FAM117B: variants seen among roughly 807,000 people sequenced by gnomAD.
The protein encoded by FAM117B is family with sequence similarity 117 member B.
Under a neutral mutation model 52.8 loss-of-function variants are expected in FAM117B, and 22 were observed. The ratio of observed to expected loss-of-function variants is 0.42; its 90% CI spans 0.30 to 0.59. FAM117B has a LOEUF of 0.59. Among genes scored for constraint, FAM117B ranks in the 20% least tolerant of loss-of-function variants. FAM117B has a pLI of 0.22. For synonymous variants in FAM117B, 309 were observed against 324.1 expected (o/e 0.95, Z 0.50); for missense variants, 678 against 802.6 (o/e 0.84, Z 1.88).
At chr2:202,664,770 G>A (rs958367783) in intron 1 of FAM117B, among the ~76,000 whole-genome samples, 5 of 151,830 alleles carry the variant, frequency 3.3e-5, no homozygotes, top group Non-Finnish European at 5.9e-5. Flanking sequence ...AGTAGTTTTG[G>A]CCTCGCTTAT....
At chr2:202,666,797 T>C (rs554831189) in intron 1 of FAM117B, among the ~76,000 whole-genome samples, 12 of 150,600 alleles carry the variant, frequency 8.0e-5, no homozygotes, top group African/African-American at 2.2e-4. Flanking sequence ...GCCCGCTGAG[T>C]AGCTGGGACA....
At chr2:202,640,307 T>A (rs1418307042) in intron 1 of FAM117B, among the ~76,000 whole-genome samples, 1 of 54,812 alleles carries the variant, frequency 1.8e-5, no homozygotes. Flanking sequence ...TATATATATA[T>A]ATATATATAT....
At chr2:202,650,009 C>T (rs1689934032) in intron 1 of FAM117B, among the ~76,000 whole-genome samples, 1 of 152,026 alleles carries the variant, frequency 6.6e-6, no homozygotes, top group Non-Finnish European at 1.5e-5. Flanking sequence ...GCTGGGATTA[C>T]AGACGCCTAC....
chr2:202,765,849 C>A lies in FAM117B; in HGVS notation c.*85C>A. 1.4e-6 allele frequency: 2 copies of A among 1,385,264 alleles called. No homozygotes were observed. The highest frequency in any genetic ancestry group is 2.8e-5 in the South Asian group (2 of 71,526). The allele number at this position is 1,385,264 out of a possible 1,614,324, so 85.8% of individuals were successfully genotyped here. On this transcript the variant is annotated 3_prime_UTR_variant, in exon 8 of 8. Coordinates refer to ENST00000392238, the MANE Select transcript of FAM117B (RefSeq NM_173511.4). ...TCTGATGGCATCGTGCGCTTCTGGT[C>A]GGCTGTGATGTGCTCCAGCTTTCCA...
chr2:202,648,542 C>CATATATAT (rs141162650), intron 1 of FAM117B, among the ~76,000 whole-genome samples: 3 of 120,026 alleles, frequency 2.5e-5, no homozygotes, highest in African/African-American at 9.0e-5. Flanking sequence ...ACAAAAAATA[C>CATATATAT]ATATATATAT....
At chr2:202,703,284 T>G (rs1243852336) in intron 2 of FAM117B, among the ~76,000 whole-genome samples, 1 of 152,236 alleles carries the variant, frequency 6.6e-6, no homozygotes, top group African/African-American at 2.4e-5. Flanking sequence ...TTTGTTTTCC[T>G]GCATCTGACT....
At chr2:202,677,927 T>C (rs186448844) in intron 1 of FAM117B, among the ~76,000 whole-genome samples, 48 of 152,310 alleles carry the variant, frequency 3.2e-4, no homozygotes, top group African/African-American at 1.1e-3. Context: ...TTTAGCTGTT[T>C]TTCTCCCTAT....
At chr2:202,697,458 T>A (rs901339252) in intron 2 of FAM117B, among the ~76,000 whole-genome samples, 1 of 152,240 alleles carries the variant, frequency 6.6e-6, no homozygotes. Context: ...TTATACTGAT[T>A]GTTGAAAGTC....
Position 202,768,682 on chromosome 2 carries a change from T to C in FAM117B, c.*2918T>C, listed in dbSNP as rs539998136. 9.2e-5 allele frequency: 14 copies of C among 152,702 alleles called. No individual in the cohort carries two copies. The highest frequency in any genetic ancestry group is 3.4e-4 in the African/African-American group (14 of 41,564). The allele number at this position is 152,702 out of a possible 1,614,324, so 9.5% of individuals were successfully genotyped here. A position where few individuals can be genotyped will look rare whatever the true frequency, so the allele number is the denominator to read the frequency against. On this transcript the variant is annotated 3_prime_UTR_variant, in exon 8 of 8. Coordinates refer to ENST00000392238, the MANE Select transcript of FAM117B (RefSeq NM_173511.4). ...GTGACACTCTCAATAGAATGCATAA[T>C]GTTGGTTTCTAAAGTTACACTCCAT...
intron 1 of FAM117B, among the ~76,000 whole-genome samples, chr2:202,691,211 T>A (rs1690616644): frequency 1.3e-5 from 2 of 151,778 alleles, no homozygotes; most frequent in Admixed American, 1.3e-4. Context: ...AGGTCAGGAG[T>A]TGGAGACCAG....
chr2:202,746,688 A>T (rs1691638627), intron 4 of FAM117B, among the ~76,000 whole-genome samples: 1 of 152,168 alleles, frequency 6.6e-6, no homozygotes, highest in African/African-American at 2.4e-5. Context: ...ACCAAGATTG[A>T]ACCAGGAAAT....
At chr2:202,756,960 C>T (rs1204149123) in intron 5 of FAM117B, among the ~76,000 whole-genome samples, 4 of 152,044 alleles carry the variant, frequency 2.6e-5, no homozygotes, top group African/African-American at 4.8e-5. Context: ...CAGTACAATT[C>T]ATTTATTCAG....
rs1689647142 is a variant in FAM117B at position 202,635,016 on chromosome 2, G to C, written c.-172G>C. On this transcript the variant is annotated 5_prime_UTR_variant, in exon 1 of 8. Coordinates refer to ENST00000392238, the MANE Select transcript of FAM117B (RefSeq NM_173511.4). ...AGGAGCGGCGGCGGCGGCGGCGGCGGCTGCACCACCTCGTTGCTGCCTGCC... is the reference window on the plus strand; with the variant it reads ...AGGAGCGGCGGCGGCGGCGGCGGCGCCTGCACCACCTCGTTGCTGCCTGCC... Among the ~76,000 whole-genome samples the C allele has an allele frequency of 7.1e-6, 1 of 141,334 alleles. No individual in the cohort carries two copies. Among genetic ancestry groups the C allele is most frequent in the Non-Finnish European group, 1.6e-5 (1 of 62,986 alleles). 92.7% of individuals were successfully genotyped at this position (141,334 alleles called of 152,430 possible). A position where few individuals can be genotyped will look rare whatever the true frequency, so the allele number is the denominator to read the frequency against.
chr2:202,690,621 G>A lies in FAM117B; in HGVS notation c.602-5260G>A, dbSNP rs370929356. ...ATGAATTAGCCACACCAAAGAAAGG[G>A]ATATAAGGGTAGAGACAAACACCTA... On this transcript the variant is annotated intron_variant, in intron 1 of 7. Coordinates refer to ENST00000392238, the MANE Select transcript of FAM117B (RefSeq NM_173511.4). Among the ~76,000 whole-genome samples the A allele has an allele frequency of 7.2e-5, 11 of 152,246 alleles. No homozygotes were observed. The East Asian group carries it at 1.4e-3, about 19-fold the overall frequency.
chr2:202,651,182 C>G (rs1319855457), intron 1 of FAM117B, among the ~76,000 whole-genome samples: 1 of 151,594 alleles, frequency 6.6e-6, no homozygotes, highest in Middle Eastern at 3.2e-3. Context: ...GTGCCTCAGC[C>G]TCCAGAGTAG....
At chr2:202,719,659 C>T (rs955450514) in intron 2 of FAM117B, among the ~76,000 whole-genome samples, 1 of 152,070 alleles carries the variant, frequency 6.6e-6, no homozygotes, top group Non-Finnish European at 1.5e-5. Context: ...TGATATAATA[C>T]TGTTATTTAA....
chr2:202,764,924 A>G (rs1051156617), intron 7 of FAM117B, among the ~76,000 whole-genome samples: 3 of 152,236 alleles, frequency 2.0e-5, no homozygotes, highest in African/African-American at 7.2e-5. Context: ...GAGAAAAGCC[A>G]GGCCTACCAT....
intron 7 of FAM117B, among the ~76,000 whole-genome samples, chr2:202,762,338 AC>A (rs1397564336): frequency 6.6e-6 from 1 of 152,156 alleles, no homozygotes; most frequent in East Asian, 1.9e-4. Flanking sequence ...AAAGGACAAA[AC>A]CAGATTTTGT....
chr2:202,635,527 G>A lies in FAM117B; in HGVS notation c.340G>A (p.Gly114Ser). 8.8e-7 allele frequency: 1 copy of A among 1,140,530 alleles called. No homozygotes were observed. The highest frequency in any genetic ancestry group is 1.1e-6 in the Non-Finnish European group (1 of 931,562). 70.7% of individuals were successfully genotyped at this position (1,140,530 alleles called of 1,614,324 possible). ...RTSPTVATQTGASATSTRGTS... is the reference protein window; with the variant it reads ...RTSPTVATQTSASATSTRGTS... ...CAGCCCCACGGTGGCCACGCAGACGGGCGCGTCCGCGACGTCCACGCGAGG... is the reference window on the plus strand; with the variant it reads ...CAGCCCCACGGTGGCCACGCAGACGAGCGCGTCCGCGACGTCCACGCGAGG... The change falls in exon 1 of 8, where the codon GGC becomes AGC. Residue 114 changes from glycine to serine, a missense_variant. Coordinates refer to ENST00000392238, the MANE Select transcript of FAM117B (RefSeq NM_173511.4).
Sources: allele counts gnomAD v4.1 joint callset (sites outside exome capture counted in the v4.1 genomes callset), GRCh38; gene constraint gnomAD v4.1.1; transcripts MANE v1.5; gene names NCBI Gene and HGNC (gene_info 2026-07-23, HGNC 2026-07-21).